The following TAOK1 variants were observed in gnomAD, a reference collection of about 807,000 sequenced individuals.
TAOK1 encodes TAO kinase 1, also known as serine/threonine-protein kinase TAO1.
A neutral mutation model predicts 138.3 loss-of-function variants in TAOK1; 21 were observed. That is an observed-to-expected ratio of 0.15 (90% CI 0.11 to 0.22). TAOK1 has a LOEUF of 0.22. Ranked by LOEUF, TAOK1 falls within the 10% of genes least tolerant of loss-of-function variation. The probability of loss-of-function intolerance (pLI) is 1.00; values close to 1 mark genes in which losing one functional copy is unlikely to be tolerated. For synonymous variants in TAOK1, 361 were observed against 398.4 expected, an observed-to-expected ratio of 0.91 and a Z score of 1.12; for missense variants, 651 against 1,227.7, an observed-to-expected ratio of 0.53 and a Z score of 7.02.
At chr17:29,394,693 G>A (rs1210942555) in intron 1 of TAOK1, among the ~76,000 whole-genome samples, 1 of 152,134 alleles carries the variant, frequency 6.6e-6, no homozygotes, top group East Asian at 1.9e-4. Flanking sequence ...ACAATTAATT[G>A]CACTCATACT....
At chr17:29,458,653 C>T (rs1298992605) in intron 2 of TAOK1, among the ~76,000 whole-genome samples, 2 of 152,026 alleles carry the variant, frequency 1.3e-5, no homozygotes, top group Non-Finnish European at 2.9e-5. Flanking sequence ...TGCGCCACCA[C>T]ACCTGATTAG....
chr17:29,400,207 A>G (rs943312012), intron 1 of TAOK1, among the ~76,000 whole-genome samples: 2 of 152,046 alleles, frequency 1.3e-5, no homozygotes, highest in Non-Finnish European at 2.9e-5. Flanking sequence ...CATCCTGGCC[A>G]AAGTGGTGAA....
chr17:29,432,575 C>A (rs1309021161), intron 1 of TAOK1, among the ~76,000 whole-genome samples: 3 of 152,200 alleles, frequency 2.0e-5, no homozygotes, highest in Admixed American at 2.0e-4. Context: ...CGTGATCCAC[C>A]CATCTCGGCC....
intron 15 of TAOK1, among the ~76,000 whole-genome samples, chr17:29,515,178 C>A (rs998015782): frequency 6.6e-6 from 1 of 151,984 alleles, no homozygotes; most frequent in Non-Finnish European, 1.5e-5. Context: ...AAATTAAATA[C>A]CATTCATAAA....
Position 29,448,027 on chromosome 17 carries a change from T to A in TAOK1, c.-94-3428T>A, listed in dbSNP as rs188556821. ...CTTTCATACCGAGTTTATCTTTTTT[T>A]TTATTATTTTTGGTATCTTTTACTG... On this transcript the variant is annotated intron_variant, in intron 1 of 19. Coordinates refer to ENST00000261716, the MANE Select transcript of TAOK1 (RefSeq NM_020791.4). 7.9e-5 allele frequency among the ~76,000 whole-genome samples: 12 copies of A among 151,048 alleles called. No individual in the cohort carries two copies. The East Asian group carries it at 2.1e-3, about 27-fold the overall frequency.
At chr17:29,533,121 C>T (rs1408040998) in intron 18 of TAOK1, among the ~76,000 whole-genome samples, 1 of 147,864 alleles carries the variant, frequency 6.8e-6, no homozygotes, top group Non-Finnish European at 1.5e-5. Context: ...ACTTCTCAGA[C>T]GGGGCGGTTG....
chr17:29,439,060 A>T (rs899494802), intron 1 of TAOK1, among the ~76,000 whole-genome samples: 2 of 152,126 alleles, frequency 1.3e-5, no homozygotes, highest in South Asian at 4.1e-4. Flanking sequence ...CATGACCCTA[A>T]ATACTTCAGT....
chr17:29,489,904 T>A, intron 9 of TAOK1, 147 bp downstream of exon 9: 1 of 471,134 alleles, frequency 2.1e-6, no homozygotes, highest in Admixed American at 4.3e-5. Flanking sequence ...CTTTTAAATA[T>A]ATTTATTCTT....
chr17:29,434,539 C>T (rs570532126), intron 1 of TAOK1, among the ~76,000 whole-genome samples: 16 of 151,646 alleles, frequency 1.1e-4, no homozygotes, highest in African/African-American at 2.4e-4. Flanking sequence ...CGAGTTCTGG[C>T]GACCTTGGCA....
chr17:29,394,661 TC>T (rs1904542914), intron 1 of TAOK1, among the ~76,000 whole-genome samples: 1 of 152,234 alleles, frequency 6.6e-6, no homozygotes, highest in African/African-American at 2.4e-5. Context: ...TGTTTTGTTT[TC>T]ACTAGTCTCT....
chr17:29,398,457 T>C (rs1039101632), intron 1 of TAOK1, among the ~76,000 whole-genome samples: 1 of 152,022 alleles, frequency 6.6e-6, no homozygotes, highest in Non-Finnish European at 1.5e-5. Context: ...TCGCCTGCCT[T>C]GGCCTCCCAA....
At chr17:29,425,450 G>A (rs376748324) in intron 1 of TAOK1, among the ~76,000 whole-genome samples, 3 of 152,260 alleles carry the variant, frequency 2.0e-5, no homozygotes, top group East Asian at 1.9e-4. Flanking sequence ...AGGCCGAGCC[G>A]GGTGGACAGC....
chr17:29,454,338 G>A (rs1396073271), intron 2 of TAOK1, among the ~76,000 whole-genome samples: 1 of 152,106 alleles, frequency 6.6e-6, no homozygotes, highest in Non-Finnish European at 1.5e-5. Flanking sequence ...GTAAGTTTGA[G>A]ATCAAGAGGT....
intron 17 of TAOK1, among the ~76,000 whole-genome samples, chr17:29,524,915 T>A (rs971554782): frequency 2.6e-5 from 4 of 152,212 alleles, no homozygotes; most frequent in Admixed American, 1.3e-4. Flanking sequence ...CAGCACTAAA[T>A]GAGTAGAAAT....
Position 29,548,292 on chromosome 17 carries a change from G to GGCAGAGA in TAOK1, c.*5270_*5271insGCAGAGA, listed in dbSNP as rs2032434810. The GGCAGAGA allele has an allele frequency of 6.6e-6, 1 of 152,080 alleles. No individual in the cohort carries two copies. Among genetic ancestry groups the GGCAGAGA allele is most frequent in the African/African-American group, 2.4e-5 (1 of 41,436 alleles). The allele number at this position is 152,080 out of a possible 1,614,324, so 9.4% of individuals were successfully genotyped here. On this transcript the variant is annotated 3_prime_UTR_variant, in exon 20 of 20. Coordinates refer to ENST00000261716, the MANE Select transcript of TAOK1 (RefSeq NM_020791.4). ...TGCACTTCCTACCCACCCAAAGATAGATATCCTTTAAAGAAAATAAAGGCA... is the reference window on the plus strand; with the variant it reads ...TGCACTTCCTACCCACCCAAAGATAGGCAGAGAATATCCTTTAAAGAAAATAAAGGCA...
At chr17:29,401,279 G>A (rs1904832266) in intron 1 of TAOK1, among the ~76,000 whole-genome samples, 1 of 152,066 alleles carries the variant, frequency 6.6e-6, no homozygotes, top group Admixed American at 6.6e-5. Context: ...ACCTGAGACT[G>A]GGTAATTTAT....
chr17:29,482,133 C>G, intron 7 of TAOK1, 64 bp from the exon 8 acceptor site: 1 of 1,213,016 alleles, frequency 8.2e-7, no homozygotes, highest in Non-Finnish European at 1.2e-6. Context: ...ATGACTGTTA[C>G]ATTCTCAAAG....
rs1375761598 is a variant in TAOK1 at position 29,550,804 on chromosome 17, A to G, written c.*7782A>G. 2.0e-5 allele frequency: 3 copies of G among 152,532 alleles called. No homozygotes were observed. The highest frequency in any genetic ancestry group is 7.2e-5 in the African/African-American group (3 of 41,444). 9.4% of individuals were successfully genotyped at this position (152,532 alleles called of 1,614,324 possible). On this transcript the variant is annotated 3_prime_UTR_variant, in exon 20 of 20. Transcript: ENST00000261716. The stretch of plus-strand genomic sequence containing the variant: ...AACAGCATGATTTTTTTGCACATGT[A>G]GAAATTTTTTAAAAGAAAGAAATTA...
At chr17:29,515,631 C>T (rs1257697004) in intron 15 of TAOK1, among the ~76,000 whole-genome samples, 19 of 151,938 alleles carry the variant, frequency 1.3e-4, no homozygotes, top group Non-Finnish European at 8.8e-5. Flanking sequence ...GTCAGGAGAT[C>T]GAGACCATAC....
Sources: gnomAD v4.1 joint callset for allele counts (sites outside exome capture counted in the v4.1 genomes callset) on GRCh38, gnomAD v4.1.1 for gene constraint, MANE v1.5 for transcripts, NCBI Gene and HGNC (gene_info 2026-07-23, HGNC 2026-07-21) for gene names.